The following CENPN variants were observed in gnomAD, a reference collection of about 807,000 sequenced individuals.
CENPN encodes the protein interphase centromere complex protein 32.
A neutral mutation model predicts 48.6 loss-of-function variants in CENPN; 36 were observed. The ratio of observed to expected loss-of-function variants is 0.74; its 90% CI spans 0.57 to 0.98. The LOEUF is 0.98. CENPN is among the 50% of genes least tolerant of loss of function. CENPN has a pLI of 0.00. For missense variants in CENPN, 439 were observed against 399.2 expected (o/e 1.10, Z -0.85); for synonymous variants, 166 against 135.2 (o/e 1.23, Z -1.58).
chr16:81,020,042 G>T, intron 5 of CENPN, 58 bp from the exon 6 acceptor site: 3 of 1,510,714 alleles, frequency 2.0e-6, no homozygotes, highest in Non-Finnish European at 2.7e-6. Flanking sequence ...ACCTGGAGTT[G>T]GTGCCACAGT....
intron 6 of CENPN, among the ~76,000 whole-genome samples, chr16:81,021,805 G>C (rs1490545697): frequency 6.6e-6 from 1 of 151,328 alleles, no homozygotes; most frequent in African/African-American, 2.4e-5. Flanking sequence ...CCCAGGGTGG[G>C]GTGCAGTGGG....
rs961143721 is a variant in CENPN at position 81,030,506 on chromosome 16, T to C, written c.*1855T>C. 1.3e-5 allele frequency: 9 copies of C among 668,166 alleles called. No homozygotes were observed. Among genetic ancestry groups the C allele is most frequent in the Non-Finnish European group, 1.7e-5 (9 of 540,508 alleles). 41.4% of individuals were successfully genotyped at this position (668,166 alleles called of 1,614,324 possible). Reference sequence around the variant, plus strand: ...GCTCACGCCTGTAATCCTAGCACTTTGGGAAGCCGAGGTGGGCAGATCACC... The same window carrying C: ...GCTCACGCCTGTAATCCTAGCACTTCGGGAAGCCGAGGTGGGCAGATCACC... On this transcript the variant is annotated 3_prime_UTR_variant, in exon 11 of 11. Coordinates refer to ENST00000305850, the MANE Select transcript of CENPN (RefSeq NM_001100624.3).
At chr16:81,025,393 A>G (rs1970417437) in intron 8 of CENPN, among the ~76,000 whole-genome samples, 1 of 152,256 alleles carries the variant, frequency 6.6e-6, no homozygotes, top group Non-Finnish European at 1.5e-5. Context: ...TAAAAAAATG[A>G]AAACTTTCCT....
In CENPN at chr16:81,020,152, C is replaced by T. The variant is rs1970116453; in HGVS notation, c.407C>T (p.Ala136Val). The T allele has an allele frequency of 2.5e-6, 4 of 1,613,356 alleles. No individual in the cohort carries two copies. The highest frequency in any genetic ancestry group is 2.5e-6 in the Non-Finnish European group (3 of 1,179,760). ...TEENAVWIRI[A>V]WGTQYTKPNQ... ...GAGAATGCAGTCTGGATTCGAATTG[C>T]CTGGGGAACACAGTACACAAAGCCA... is the stretch of plus-strand genomic sequence containing the variant. Residue 136 changes from alanine to valine, a missense_variant, in exon 6 of 11, where the codon GCC becomes GTC. Physicochemically the swap from Ala to Val is moderately conservative, Grantham distance 64. Coordinates refer to ENST00000305850, the MANE Select transcript of CENPN (RefSeq NM_001100624.3).
chr16:81,007,698 A>G (rs1029445847), intron 1 of CENPN, among the ~76,000 whole-genome samples: 2 of 152,202 alleles, frequency 1.3e-5, no homozygotes, highest in African/African-American at 4.8e-5. Flanking sequence ...GGAGCGCAGC[A>G]GAGGTGTGTG....
intron 8 of CENPN, 133 bp downstream of exon 8, chr16:81,024,911 A>G: frequency 1.9e-6 from 1 of 517,864 alleles, no homozygotes; most frequent in Non-Finnish European, 3.3e-6. Context: ...TTGAAAAGTA[A>G]ATATCTGTTG....
At chr16:81,021,900 A>C (rs1479007426) in intron 6 of CENPN, among the ~76,000 whole-genome samples, 1 of 151,828 alleles carries the variant, frequency 6.6e-6, no homozygotes, top group African/African-American at 2.4e-5. Context: ...GACTACAAGC[A>C]CTCACCACTA....
In CENPN at chr16:81,018,523, A is replaced by G. The variant is rs568079694; in HGVS notation, c.354+689A>G. Among the ~76,000 whole-genome samples the G allele has an allele frequency of 1.1e-4, 17 of 152,310 alleles. No individual in the cohort carries two copies. In the South Asian group the frequency reaches 2.1e-3, roughly 19 times the overall value. ...CAATGATTTTTTACATTAAATAGCC[A>G]CATGTAGCTAGTAGTTCCAGTAATA... is the stretch of plus-strand genomic sequence containing the variant. On this transcript the variant is annotated intron_variant, in intron 5 of 10. Coordinates refer to ENST00000305850, the MANE Select transcript of CENPN (RefSeq NM_001100624.3).
intron 3 of CENPN, 88 bp downstream of exon 3, chr16:81,014,269 C>G: frequency 1.8e-6 from 2 of 1,128,358 alleles, no homozygotes; most frequent in Non-Finnish European, 2.7e-6. Context: ...GGGTCTCCCT[C>G]TGTCGCCCAG....
chr16:81,032,802 G>C (rs1309842047), downstream of CENPN: 1 of 1,224,912 alleles, frequency 8.2e-7, no homozygotes, highest in African/African-American at 1.5e-5. Flanking sequence ...TGTTAAAATG[G>C]ACCCTTTGTT....
chr16:81,029,656 A>G lies in CENPN; in HGVS notation c.*1005A>G, dbSNP rs550879147. Among the ~76,000 whole-genome samples, 98 of 151,980 alleles carry G rather than the reference A, an allele frequency of 6.4e-4. No individual in the cohort carries two copies. In the Middle Eastern group the frequency reaches 0.01, roughly 16 times the overall value. ...AATGGCACAATCTTGGCTCCCTGCA[A>G]CCTCTGCCTCCTGGGTTGAAGAGAT... On this transcript the variant is annotated 3_prime_UTR_variant, in exon 11 of 11. Transcript: ENST00000305850.
rs947782056 is a variant in CENPN, at chr16:81,031,102, A to C, written c.*2451A>C. The C allele has an allele frequency of 1.3e-5, 2 of 152,084 alleles. No individual in the cohort carries two copies. The highest frequency in any genetic ancestry group is 4.8e-5 in the African/African-American group (2 of 41,394). The allele number at this position is 152,084 out of a possible 1,614,324, so 9.4% of individuals were successfully genotyped here. The stretch of plus-strand genomic sequence containing the variant: ...TGACATCACTTTGGTTCAGAGCTCT[A>C]AAATGGAGGGAGGAAGCCATTCTAA... On this transcript the variant is annotated 3_prime_UTR_variant, in exon 11 of 11. Transcript: ENST00000305850.
At position 81,028,615 on chromosome 16, in the gene CENPN, C is replaced by A; in HGVS notation, c.984C>A (p.Asn328Lys). ...CTCCACTGCTCACTTGCATACCCAA[C>A]AAGAGAATGAATTATTTTAAAATTA... ...PLSPLLTCIP[N>K]KRMNYFKIRD... is the part of the protein sequence containing the mutation. The change falls in exon 11 of 11, where the codon AAC becomes AAA. Residue 328 changes from asparagine to lysine, a missense_variant. Asn to Lys is a moderately conservative substitution (Grantham distance 94). Coordinates refer to ENST00000305850, the MANE Select transcript of CENPN (RefSeq NM_001100624.3). 6.2e-7 allele frequency: 1 copy of A among 1,611,810 alleles called. No individual in the cohort carries two copies. Among genetic ancestry groups the A allele is most frequent in the Non-Finnish European group, 8.5e-7 (1 of 1,179,530 alleles).
rs1452238097 is a variant in CENPN at position 81,020,001 on chromosome 16, A to T, written c.355-99A>T. The T allele has an allele frequency of 4.1e-6, 4 of 974,646 alleles. No individual in the cohort carries two copies. In the African/African-American group the frequency reaches 6.6e-5, roughly 16 times the overall value. The allele number at this position is 974,646 out of a possible 1,614,324, so 60.4% of individuals were successfully genotyped here. A position where few individuals can be genotyped will look rare whatever the true frequency, so the allele number is the denominator to read the frequency against. ...CAGGTCTCAACCTGCATACAAGAGT[A>T]TAGGGACATCATTGTTCACCCCTAA... On this transcript the variant is annotated intron_variant, in intron 5 of 10. Transcript: ENST00000305850.
At chr16:81,011,608 T>G (rs1218059397) in intron 1 of CENPN, among the ~76,000 whole-genome samples, 1 of 152,142 alleles carries the variant, frequency 6.6e-6, no homozygotes, top group Non-Finnish European at 1.5e-5. Flanking sequence ...AAATATACAT[T>G]AAGGAGAAAA....
chr16:81,015,526 T>C (rs946831505), intron 3 of CENPN, among the ~76,000 whole-genome samples: 3 of 152,274 alleles, frequency 2.0e-5, no homozygotes, highest in Non-Finnish European at 2.9e-5. Flanking sequence ...CTGTTTTCTG[T>C]AAGTGTAACA....
intron 1 of CENPN, among the ~76,000 whole-genome samples, chr16:81,008,163 G>A (rs534257540): frequency 1.3e-5 from 2 of 152,108 alleles, no homozygotes; most frequent in Non-Finnish European, 2.9e-5. Flanking sequence ...GTTTACTAAA[G>A]GGATTTCCGT....
chr16:81,021,593 G>T (rs2151695560), intron 6 of CENPN, among the ~76,000 whole-genome samples: 1 of 152,090 alleles, frequency 6.6e-6, no homozygotes, highest in South Asian at 2.1e-4. Flanking sequence ...GTTTTTTGGT[G>T]GTTTATTGAA....
At chr16:81,028,419 TCTC>T in intron 10 of CENPN, 122 bp downstream of exon 10, 2 of 1,474,312 alleles carry the variant, frequency 1.4e-6, no homozygotes, top group Non-Finnish European at 1.8e-6. Context: ...CATCCTGCTC[TCTC>T]TTGCATCTTC....
Sources: gnomAD v4.1 joint callset for allele counts (sites outside exome capture counted in the v4.1 genomes callset) on GRCh38, gnomAD v4.1.1 for gene constraint, MANE v1.5 for transcripts, NCBI Gene and HGNC (gene_info 2026-07-23, HGNC 2026-07-21) for gene names.